Variants in RALYL observed in about 807,000 individuals in gnomAD.
RALYL encodes the protein RALY RNA binding protein like, also known as RNA-binding Raly-like protein.
RALYL carries 29 observed loss-of-function variants against 35.1 expected under a neutral mutation model. The ratio of observed to expected loss-of-function variants is 0.83; its 90% CI spans 0.61 to 1.13. RALYL has a LOEUF of 1.13. RALYL is among the 50% of genes most tolerant of loss of function. RALYL has a pLI of 0.00. For missense variants in RALYL, 359 were observed against 360.4 expected (o/e 1.00, Z 0.03); for synonymous variants, 120 against 127.6 (o/e 0.94, Z 0.40).
At chr8:84,702,007 C>G (rs1051853899) in intron 2 of RALYL, among the ~76,000 whole-genome samples, 2 of 152,014 alleles carry the variant, frequency 1.3e-5, no homozygotes, top group African/African-American at 2.4e-5. Flanking sequence ...GACATAACCT[C>G]TTAGCTTCAC....
At chr8:84,217,549 G>C (rs1821126068) in intron 1 of RALYL, among the ~76,000 whole-genome samples, 1 of 152,024 alleles carries the variant, frequency 6.6e-6, no homozygotes, top group Non-Finnish European at 1.5e-5. Flanking sequence ...AGACACTATA[G>C]TGTTACACAG....
At chr8:84,629,306 G>A (rs1823428293) in intron 2 of RALYL, among the ~76,000 whole-genome samples, 1 of 151,932 alleles carries the variant, frequency 6.6e-6, no homozygotes, top group Admixed American at 6.6e-5. Context: ...TTTCTTTAAT[G>A]GACAGAAATA....
At chr8:84,565,972 A>C (rs567053200) in intron 2 of RALYL, among the ~76,000 whole-genome samples, 1 of 151,796 alleles carries the variant, frequency 6.6e-6, no homozygotes, top group African/African-American at 2.4e-5. Flanking sequence ...GAAATGAATT[A>C]ATTGCTTTGT....
intron 2 of RALYL, among the ~76,000 whole-genome samples, chr8:84,572,207 TTTTTTTGTTTTTGTTGTTTG>T (rs1808173042): frequency 6.7e-6 from 1 of 149,242 alleles, no homozygotes. Context: ...TGGGTCTTGT[TTTTTTTGTTTTTGTTGTTTG>T]TTTTTTGTTT....
chr8:84,474,444 T>G (rs868809318), intron 1 of RALYL, among the ~76,000 whole-genome samples: 1 of 152,216 alleles, frequency 6.6e-6, no homozygotes, highest in African/African-American at 2.4e-5. Context: ...TTTTTCCTAC[T>G]ACAATTTTAT....
chr8:84,486,533 T>C (rs1223093721), intron 1 of RALYL, among the ~76,000 whole-genome samples: 2 of 151,916 alleles, frequency 1.3e-5, no homozygotes, highest in Non-Finnish European at 2.9e-5. Context: ...GATATGTTGA[T>C]CTGTCTATGC....
intron 1 of RALYL, among the ~76,000 whole-genome samples, chr8:84,430,624 T>G (rs542458521): frequency 1.1e-4 from 16 of 152,206 alleles, no homozygotes; most frequent in Admixed American, 6.6e-4. Flanking sequence ...AAAAATCATG[T>G]TTTTTATAAA....
rs548185561 is a variant in RALYL, at chr8:84,335,709, C to CTTTTTTTTTTTTT, written c.-24+151292_-24+151304dup. ...ATTTCTAATATATGTGTTTTCTTACCTTTTTTTTTTTTTTTTTTTCCAAGA... is the reference window on the plus strand; with the variant it reads ...ATTTCTAATATATGTGTTTTCTTACCTTTTTTTTTTTTTTTTTTTTTTTTTTTTTTTTCCAAGA... On this transcript the variant is annotated intron_variant, in intron 1 of 8. Transcript: ENST00000521268. Among the ~76,000 whole-genome samples, 2 of 85,216 alleles carry CTTTTTTTTTTTTT rather than the reference C, an allele frequency of 2.3e-5. 1 individual carries two copies. Among genetic ancestry groups the CTTTTTTTTTTTTT allele is most frequent in the Non-Finnish European group, 4.1e-5 (2 of 48,400 alleles). 55.9% of individuals were successfully genotyped at this position (85,216 alleles called of 152,430 possible).
intron 4 of RALYL, among the ~76,000 whole-genome samples, chr8:84,828,217 TA>T (rs1830122462): frequency 1.3e-5 from 2 of 152,172 alleles, no homozygotes; most frequent in South Asian, 2.1e-4. Context: ...TAAATGTATA[TA>T]TTTTTAAAAA....
chr8:84,697,886 C>G (rs181810403), intron 2 of RALYL, among the ~76,000 whole-genome samples: 22 of 152,158 alleles, frequency 1.4e-4, no homozygotes, highest in African/African-American at 3.6e-4. Context: ...AATGCATTCT[C>G]TATTGAAATC....
At chr8:84,468,871 C>T (rs1326932887) in intron 1 of RALYL, among the ~76,000 whole-genome samples, 1 of 151,916 alleles carries the variant, frequency 6.6e-6, no homozygotes, top group African/African-American at 2.4e-5. Flanking sequence ...CTAGACTTCC[C>T]TTCTCGCTTC....
chr8:84,684,206 C>CA (rs764316494), intron 2 of RALYL, among the ~76,000 whole-genome samples: 1 of 152,016 alleles, frequency 6.6e-6, no homozygotes, highest in Non-Finnish European at 1.5e-5. Context: ...AACCACTTCA[C>CA]AAAAAAGACT....
intron 2 of RALYL, among the ~76,000 whole-genome samples, chr8:84,680,001 C>T (rs1226190315): frequency 1.3e-5 from 2 of 151,938 alleles, no homozygotes; most frequent in African/African-American, 2.4e-5. Context: ...TCCCTCCCCA[C>T]TCCCCCCACC....
chr8:84,765,159 A>G (rs1421485774), intron 2 of RALYL, among the ~76,000 whole-genome samples: 1 of 152,098 alleles, frequency 6.6e-6, no homozygotes. Context: ...ATCTCTCTAC[A>G]GCACTCCTTT....
chr8:84,725,150 C>T (rs1258358779), intron 2 of RALYL, among the ~76,000 whole-genome samples: 2 of 151,412 alleles, frequency 1.3e-5, no homozygotes, highest in Non-Finnish European at 3.0e-5. Flanking sequence ...ATCTTAGTAC[C>T]AATGCTATTC....
At chr8:84,886,754 T>C (rs142565785) in intron 7 of RALYL, among the ~76,000 whole-genome samples, 126 of 152,284 alleles carry the variant, frequency 8.3e-4, no homozygotes, top group African/African-American at 2.8e-3. Context: ...AATGCACAGA[T>C]CCTGACAACT....
intron 1 of RALYL, among the ~76,000 whole-genome samples, chr8:84,249,921 T>C (rs1829852504): frequency 6.6e-6 from 1 of 151,608 alleles, no homozygotes; most frequent in Admixed American, 6.6e-5. Flanking sequence ...AATAATAAAA[T>C]AACAAGAAGA....
intron 2 of RALYL, among the ~76,000 whole-genome samples, chr8:84,581,388 C>T (rs1810793556): frequency 6.6e-6 from 1 of 152,054 alleles, no homozygotes; most frequent in Non-Finnish European, 1.5e-5. Context: ...CTATTGTAAC[C>T]CAAAATATTG....
At chr8:84,570,554 A>G (rs1000268496) in intron 2 of RALYL, among the ~76,000 whole-genome samples, 5 of 151,854 alleles carry the variant, frequency 3.3e-5, no homozygotes, top group African/African-American at 1.2e-4. Flanking sequence ...CTCTTTTCCA[A>G]TTTGGATGCC....
Sources: allele counts gnomAD v4.1 joint callset (sites outside exome capture counted in the v4.1 genomes callset), GRCh38; gene constraint gnomAD v4.1.1; transcripts MANE v1.5; gene names NCBI Gene and HGNC (gene_info 2026-07-23, HGNC 2026-07-21).